The following THOC5 variants were observed in gnomAD, a reference collection of about 807,000 sequenced individuals.
THOC5 encodes Fms-interacting protein.
A neutral mutation model predicts 92.9 loss-of-function variants in THOC5; 43 were observed. That is an observed-to-expected ratio of 0.46 (90% confidence interval 0.36 to 0.60). The LOEUF is 0.60. THOC5 is among the 20% of genes least tolerant of loss of function. The probability of loss-of-function intolerance (pLI) is 0.00; values close to 1 mark genes in which losing one functional copy is unlikely to be tolerated. For synonymous variants in THOC5, 296 were observed against 320.1 expected (o/e 0.92, Z 0.80); for missense variants, 659 against 849.4 (o/e 0.78, Z 2.79).
intron 11 of THOC5, among the ~76,000 whole-genome samples, chr22:29,526,392 C>A (rs746483815): frequency 1.3e-5 from 2 of 151,856 alleles, no homozygotes; most frequent in Non-Finnish European, 2.9e-5. Context: ...ATCAGTCGGG[C>A]GTGGTGGCGG....
intron 8 of THOC5, chr22:29,531,293 G>A (rs996103782): frequency 1.3e-4 from 129 of 985,298 alleles, no homozygotes; most frequent in Non-Finnish European, 1.5e-4. Context: ...CTGGGTGAAA[G>A]CTGCATTAGG....
chr22:29,535,544 A>C (rs943603487), intron 7 of THOC5, among the ~76,000 whole-genome samples: 8 of 152,220 alleles, frequency 5.3e-5, no homozygotes, highest in African/African-American at 1.4e-4. Flanking sequence ...TTTCTTATTT[A>C]ATATGACAGA....
chr22:29,543,568 C>T, intron 3 of THOC5, 26 bp from the exon 4 acceptor site: 1 of 1,576,464 alleles, frequency 6.3e-7, no homozygotes. Flanking sequence ...ACAGTAAAGC[C>T]CACTGACGAC....
At chr22:29,520,540 G>A (rs1453923389) in intron 13 of THOC5, among the ~76,000 whole-genome samples, 3 of 152,046 alleles carry the variant, frequency 2.0e-5, no homozygotes, top group African/African-American at 4.8e-5. Context: ...GTTGCCCCCA[G>A]GCTGGAGTAC....
In THOC5 at chr22:29,544,454, C is replaced by T; in HGVS notation, c.240+6G>A. The stretch of plus-strand genomic sequence containing the variant: ...AGGTTCACGGCCACCTGGTCCCACT[C>T]CTTACCACATCCTTGCCACCCCTGC... On this transcript the variant is annotated splice_donor_region_variant and intron_variant, in intron 3 of 19. Coordinates refer to ENST00000490103, the MANE Select transcript of THOC5 (RefSeq NM_003678.5). 1 of 1,612,412 alleles carries T rather than the reference C, an allele frequency of 6.2e-7. No homozygotes were observed. Among genetic ancestry groups the T allele is most frequent in the Non-Finnish European group, 8.5e-7 (1 of 1,179,480 alleles).
chr22:29,511,094 C>CCCTCT lies in THOC5; in HGVS notation c.1988+7_1988+11dup. 2 of 1,610,932 alleles carry CCCTCT rather than the reference C, an allele frequency of 1.2e-6. No individual in the cohort carries two copies. Among genetic ancestry groups the CCCTCT allele is most frequent in the Non-Finnish European group, 1.7e-6 (2 of 1,177,500 alleles). On this transcript the variant is annotated intron_variant, in intron 19 of 19. Coordinates refer to ENST00000490103, the MANE Select transcript of THOC5 (RefSeq NM_003678.5). ...CCATGAGAAGTCACCAGAGCCCCAA[C>CCCTCT]CCTCTCCTCACCTGAAGAGCCGCAG...
intron 11 of THOC5, among the ~76,000 whole-genome samples, chr22:29,527,801 A>G (rs994789872): frequency 3.3e-5 from 5 of 152,226 alleles, no homozygotes; most frequent in African/African-American, 1.2e-4. Flanking sequence ...ATACTTTTGC[A>G]ACTTGTTCTA....
At chr22:29,541,858 CT>C (rs1569230660) in intron 5 of THOC5, among the ~76,000 whole-genome samples, 3 of 35,384 alleles carry the variant, frequency 8.5e-5, no homozygotes, top group African/African-American at 4.2e-4. Flanking sequence ...AAGACTCCAT[CT>C]CCAAAAAAAA....
chr22:29,529,498 C>G (rs1373397635), intron 8 of THOC5, among the ~76,000 whole-genome samples: 1 of 152,212 alleles, frequency 6.6e-6, no homozygotes, highest in Non-Finnish European at 1.5e-5. Flanking sequence ...CAGTGAATGC[C>G]TCTCTTTTTT....
At chr22:29,531,998 T>C (rs1295103452) in intron 7 of THOC5, 35 bp from the exon 8 acceptor site, 1 of 1,610,004 alleles carries the variant, frequency 6.2e-7, no homozygotes, top group Middle Eastern at 1.7e-4. Context: ...TTCTTCCTTT[T>C]TTAGCCAGTC....
intron 10 of THOC5, 48 bp from the exon 11 acceptor site, chr22:29,528,225 T>A (rs781123576): frequency 1.2e-6 from 2 of 1,613,944 alleles, no homozygotes; most frequent in Admixed American, 3.3e-5. Flanking sequence ...CATAGCAATC[T>A]CCCCTTCCCT....
At chr22:29,541,860 C>CAAAAA (rs1569230675) in intron 5 of THOC5, among the ~76,000 whole-genome samples, 4 of 20,992 alleles carry the variant, frequency 1.9e-4, no homozygotes, top group Non-Finnish European at 2.2e-4. Context: ...GACTCCATCT[C>CAAAAA]CAAAAAAAAA....
Position 29,508,376 on chromosome 22 carries a change from G to C in THOC5, c.*81C>G, listed in dbSNP as rs2063159002. 2.2e-6 allele frequency: 3 copies of C among 1,392,876 alleles called. No homozygotes were observed. The highest frequency in any genetic ancestry group is 2.9e-5 in the African/African-American group (2 of 70,050). 86.3% of individuals were successfully genotyped at this position (1,392,876 alleles called of 1,614,324 possible). On this transcript the variant is annotated 3_prime_UTR_variant, in exon 20 of 20. Coordinates refer to ENST00000490103, the MANE Select transcript of THOC5 (RefSeq NM_003678.5). ...CTGGTGTCTTTGGAGAATATCAAGA[G>C]TCACATGTGGGCCAGAGCAGAAAGC...
At chr22:29,539,166 A>G (rs1212863238) in intron 6 of THOC5, among the ~76,000 whole-genome samples, 164 bp downstream of exon 6, 1 of 150,826 alleles carries the variant, frequency 6.6e-6, no homozygotes, top group Non-Finnish European at 1.5e-5. Context: ...CCCATCCATG[A>G]TGAGGTTGGT....
chr22:29,529,415 CT>C (rs111459212), intron 8 of THOC5, among the ~76,000 whole-genome samples, 176 bp from the exon 9 acceptor site: 3 of 152,054 alleles, frequency 2.0e-5, no homozygotes, highest in Non-Finnish European at 4.4e-5. Flanking sequence ...GACACTTAAG[CT>C]TTTTTTTCCG....
chr22:29,532,842 G>T (rs1396534074), intron 7 of THOC5, among the ~76,000 whole-genome samples: 1 of 151,964 alleles, frequency 6.6e-6, no homozygotes, highest in East Asian at 1.9e-4. Flanking sequence ...GCCAAGTGTG[G>T]GGGCACGCAC....
At chr22:29,520,650 C>A (rs1411096165) in intron 13 of THOC5, among the ~76,000 whole-genome samples, 1 of 152,128 alleles carries the variant, frequency 6.6e-6, no homozygotes, top group African/African-American at 2.4e-5. Flanking sequence ...TGCCCACCAC[C>A]ATGCCTGGCT....
At chr22:29,524,451 G>T (rs895311259) in intron 12 of THOC5, among the ~76,000 whole-genome samples, 7 of 152,160 alleles carry the variant, frequency 4.6e-5, no homozygotes, top group African/African-American at 1.7e-4. Flanking sequence ...ACAGCTTAGT[G>T]AAGAGCTGGA....
At chr22:29,525,123 A>T (rs1271624459) in intron 12 of THOC5, among the ~76,000 whole-genome samples, 1 of 152,064 alleles carries the variant, frequency 6.6e-6, no homozygotes. Context: ...ATAAAAATAG[A>T]AAGTCAGCCA....
Sources: allele counts gnomAD v4.1 joint callset (sites outside exome capture counted in the v4.1 genomes callset), GRCh38; gene constraint gnomAD v4.1.1; transcripts MANE v1.5; gene names NCBI Gene and HGNC (gene_info 2026-07-23, HGNC 2026-07-21).